KCNMA1: variants seen among roughly 807,000 people sequenced by gnomAD.
The protein encoded by KCNMA1 is Calcium-activated potassium channel subunit alpha-1.
KCNMA1 carries 29 observed loss-of-function variants against 140.0 expected under a neutral mutation model. That is an observed-to-expected ratio of 0.21 (90% confidence interval 0.15 to 0.28). The LOEUF is 0.28. Ranked by LOEUF, KCNMA1 falls within the 10% of genes least tolerant of loss-of-function variation. The probability of loss-of-function intolerance (pLI) is 1.00; values close to 1 mark genes in which losing one functional copy is unlikely to be tolerated. For missense variants in KCNMA1, 880 were observed against 1,602.2 expected (o/e 0.55, Z 7.70); for synonymous variants, 612 against 611.9 (o/e 1.00, Z 0.00).
intron 9 of KCNMA1, among the ~76,000 whole-genome samples, chr10:77,097,529 G>A (rs1156525980): frequency 3.9e-5 from 6 of 152,250 alleles, no homozygotes; most frequent in African/African-American, 1.4e-4. Flanking sequence ...TTAACAGGTA[G>A]TTCACTGCAA....
intron 1 of KCNMA1, among the ~76,000 whole-genome samples, chr10:77,627,310 C>T (rs535628672): frequency 1.3e-5 from 2 of 152,292 alleles, no homozygotes; most frequent in South Asian, 4.2e-4. Context: ...TTACAACCCC[C>T]ACGTGAAACT....
intron 1 of KCNMA1, chr10:77,634,471 A>G (rs926956269): frequency 8.1e-6 from 8 of 985,406 alleles, no homozygotes; most frequent in Non-Finnish European, 9.6e-6. Flanking sequence ...CCTTTGATCA[A>G]AAAGGTTTGG....
chr10:77,067,252 G>A (rs189136829), intron 14 of KCNMA1, among the ~76,000 whole-genome samples: 2 of 152,288 alleles, frequency 1.3e-5, no homozygotes, highest in African/African-American at 4.8e-5. Context: ...TAAAAAGGAG[G>A]AGTAAGGGAG....
At chr10:77,289,454 T>A (rs2072361979) in intron 2 of KCNMA1, among the ~76,000 whole-genome samples, 1 of 152,174 alleles carries the variant, frequency 6.6e-6, no homozygotes, top group Admixed American at 6.5e-5. Context: ...CAGCGGAAGT[T>A]ACCAAGGGCC....
At chr10:76,913,898 C>T (rs1211635416) in intron 24 of KCNMA1, 6 of 615,932 alleles carry the variant, frequency 9.7e-6, no homozygotes, top group Non-Finnish European at 1.4e-5. Context: ...ACAAGACAGT[C>T]GATTCCAACC....
At chr10:77,234,399 C>T (rs779985182) in intron 3 of KCNMA1, among the ~76,000 whole-genome samples, 53 of 152,238 alleles carry the variant, frequency 3.5e-4, no homozygotes, top group Non-Finnish European at 6.5e-4. Context: ...AACTTGTTTA[C>T]GGTCTGTCTC....
intron 1 of KCNMA1, among the ~76,000 whole-genome samples, chr10:77,614,435 G>A (rs1466670771): frequency 1.3e-5 from 2 of 152,176 alleles, no homozygotes; most frequent in Non-Finnish European, 2.9e-5. Flanking sequence ...GCTAAAGAAG[G>A]GAAGCATGCG....
chr10:76,946,298 T>C (rs150097007), intron 22 of KCNMA1, among the ~76,000 whole-genome samples: 2 of 152,318 alleles, frequency 1.3e-5, no homozygotes, highest in Admixed American at 6.5e-5. Flanking sequence ...ACCAGCTTCA[T>C]TGGTCCTCTA....
At chr10:77,262,033 T>G (rs932657520) in intron 2 of KCNMA1, among the ~76,000 whole-genome samples, 2 of 152,208 alleles carry the variant, frequency 1.3e-5, no homozygotes, top group African/African-American at 4.8e-5. Flanking sequence ...TGGCTATCTT[T>G]GCCCTACTTC....
At chr10:77,530,265 G>A (rs1036992301) in intron 1 of KCNMA1, among the ~76,000 whole-genome samples, 6 of 152,204 alleles carry the variant, frequency 3.9e-5, no homozygotes, top group Non-Finnish European at 8.8e-5. Flanking sequence ...AGAGGGACAA[G>A]GAAAGAGAGA....
At position 77,289,895 on chromosome 10, in the gene KCNMA1, A is replaced by T. The variant is rs181916088; in HGVS notation, c.541-38639T>A. On this transcript the variant is annotated intron_variant, in intron 2 of 27. Coordinates refer to ENST00000286628, the MANE Select transcript of KCNMA1 (RefSeq NM_001161352.2). ...TTGTTGATTTTAAATAAAAGTTCTA[A>T]CTGAGAAAAAAAAAGTAAGCCCATA... is the stretch of plus-strand genomic sequence containing the variant. Among the ~76,000 whole-genome samples the T allele has an allele frequency of 1.3e-4, 20 of 152,276 alleles. No homozygotes were observed. The East Asian group carries it at 1.7e-3, about 13-fold the overall frequency.
At chr10:76,909,941 A>G in intron 25 of KCNMA1, 25 bp downstream of exon 25, 4 of 1,610,398 alleles carry the variant, frequency 2.5e-6, no homozygotes, top group Non-Finnish European at 3.4e-6. Flanking sequence ...CCCTTGAGTG[A>G]GGAGGAGGGA....
chr10:76,952,094 T>C, intron 21 of KCNMA1: 1 of 1,552,264 alleles, frequency 6.4e-7, no homozygotes, highest in Non-Finnish European at 8.7e-7. Context: ...TTGGCATGCA[T>C]ACTACACCAA....
At chr10:77,173,742 T>C (rs540079411) in intron 5 of KCNMA1, among the ~76,000 whole-genome samples, 1 of 152,252 alleles carries the variant, frequency 6.6e-6, no homozygotes, top group South Asian at 2.1e-4. Flanking sequence ...GCTCTGGGCT[T>C]CAGGGAATCT....
At chr10:77,170,228 A>G (rs1378944244) in intron 5 of KCNMA1, among the ~76,000 whole-genome samples, 1 of 152,166 alleles carries the variant, frequency 6.6e-6, no homozygotes, top group Non-Finnish European at 1.5e-5. Context: ...AAAAAGAAAA[A>G]TGGAGCTCTG....
chr10:77,039,721 C>T (rs2094538412), intron 14 of KCNMA1, 84 bp from the exon 15 acceptor site: 1 of 806,264 alleles, frequency 1.2e-6, no homozygotes, highest in Non-Finnish European at 2.2e-6. Flanking sequence ...CTTAGGCAAA[C>T]AAATGAATGC....
chr10:77,380,351 G>C (rs1195355078), intron 2 of KCNMA1, among the ~76,000 whole-genome samples: 1 of 152,104 alleles, frequency 6.6e-6, no homozygotes, highest in Non-Finnish European at 1.5e-5. Context: ...AGGAAGCCCA[G>C]CCTGGTCTCT....
At chr10:76,874,024 T>C (rs2031880958), downstream of KCNMA1, 1 of 150,854 alleles carries the variant, frequency 6.6e-6, no homozygotes, top group Non-Finnish European at 1.5e-5. Flanking sequence ...AGACATGGCA[T>C]AGAGATGAAG....
chr10:77,491,501 C>T (rs929380508), intron 1 of KCNMA1, among the ~76,000 whole-genome samples: 1 of 152,162 alleles, frequency 6.6e-6, no homozygotes, highest in African/African-American at 2.4e-5. Context: ...CCCCGCCCTC[C>T]AAGATTCTTC....
Sources: gnomAD v4.1 joint callset for allele counts (sites outside exome capture counted in the v4.1 genomes callset) on GRCh38, gnomAD v4.1.1 for gene constraint, MANE v1.5 for transcripts, NCBI Gene and HGNC (gene_info 2026-07-23, HGNC 2026-07-21) for gene names.